ENTPD6: variants seen among roughly 807,000 people sequenced by gnomAD.
ENTPD6 encodes the protein ectonucleoside triphosphate diphosphohydrolase 6.
Under a neutral mutation model 61.5 loss-of-function variants are expected in ENTPD6, and 46 were observed. The observed-to-expected ratio is 0.75, with a 90% confidence interval of 0.59 to 0.96. ENTPD6 has a LOEUF of 0.96. ENTPD6 is among the 40% of genes least tolerant of loss of function. The pLI is 0.00. For missense variants in ENTPD6, 612 were observed against 629.0 expected (o/e 0.97, Z 0.29); for synonymous variants, 252 against 255.5 (o/e 0.99, Z 0.13).
At chr20:25,203,177 T>C (rs766953376) in intron 1 of ENTPD6, among the ~76,000 whole-genome samples, 8 of 152,164 alleles carry the variant, frequency 5.3e-5, no homozygotes, top group Non-Finnish European at 1.2e-4. Context: ...TTGTACATCA[T>C]GAGCCATTCT....
intron 12 of ENTPD6, 57 bp from the exon 13 acceptor site, chr20:25,224,044 C>T (rs1278355767): frequency 1.3e-6 from 2 of 1,545,288 alleles, no homozygotes; most frequent in Non-Finnish European, 1.8e-6. Context: ...CCTCACGTCT[C>T]AGTGGCATCG....
intron 1 of ENTPD6, chr20:25,196,136 C>A: frequency 8.2e-7 from 1 of 1,219,218 alleles, no homozygotes; most frequent in Non-Finnish European, 1.0e-6. Context: ...CCCAGCCCTG[C>A]TGCGTTCATT....
intron 12 of ENTPD6, among the ~76,000 whole-genome samples, chr20:25,223,434 G>A (rs543518634): frequency 3.3e-4 from 50 of 152,266 alleles, no homozygotes; most frequent in Non-Finnish European, 6.5e-4. Context: ...AGAGTTTGCT[G>A]AGGCTAGTGG....
At chr20:25,213,506 C>A in intron 5 of ENTPD6, 100 bp downstream of exon 5, 1 of 1,278,174 alleles carries the variant, frequency 7.8e-7, no homozygotes, top group Non-Finnish European at 1.1e-6. Flanking sequence ...TCAGGCAGGA[C>A]ACAGATGCTT....
intron 11 of ENTPD6, 66 bp from the exon 12 acceptor site, chr20:25,222,772 C>T: frequency 1.9e-6 from 3 of 1,583,960 alleles, no homozygotes. Context: ...CTGGGAGGGG[C>T]CCCAAGCAGC....
intron 8 of ENTPD6, among the ~76,000 whole-genome samples, 188 bp from the exon 9 acceptor site, chr20:25,217,314 A>T (rs1384221839): frequency 6.6e-6 from 1 of 152,134 alleles, no homozygotes; most frequent in African/African-American, 2.4e-5. Context: ...TGTGGGAACG[A>T]AGCACCGTTC....
At chr20:25,212,160 C>T (rs182651889) in intron 4 of ENTPD6, among the ~76,000 whole-genome samples, 129 of 152,300 alleles carry the variant, frequency 8.5e-4, no homozygotes, top group African/African-American at 3.0e-3. Flanking sequence ...AGAATCACAC[C>T]TGTCTACAAC....
At chr20:25,221,118 C>A in intron 10 of ENTPD6, 114 bp from the exon 11 acceptor site, 1 of 739,056 alleles carries the variant, frequency 1.4e-6, no homozygotes, top group Non-Finnish European at 2.3e-6. Context: ...ACCTGGAAGC[C>A]ACTCAGCTTC....
intron 6 of ENTPD6, 67 bp from the exon 7 acceptor site, chr20:25,215,609 C>T (rs527433517): frequency 5.7e-5 from 87 of 1,525,428 alleles, no homozygotes; most frequent in Admixed American, 4.7e-4. Flanking sequence ...AGTCATTTAA[C>T]GGTCCTGTGT....
chr20:25,225,536 C>T lies in ENTPD6; in HGVS notation c.1394C>T (p.Ala465Val), dbSNP rs1361317631. The T allele has an allele frequency of 1.2e-6, 2 of 1,614,008 alleles. No homozygotes were observed. The highest frequency in any genetic ancestry group is 2.2e-5 in the East Asian group (1 of 44,898). The change falls in exon 15 of 15, where the codon GCT becomes GTT. Residue 465 changes from alanine (A) to valine (V), a missense_variant. By Grantham distance (64) the Ala-to-Val change is moderately conservative. Transcript: ENST00000376652. ...ATTGACAATGTTGAGACCAGCTGGG[C>T]TCTGGGGGCCATTTTTCATTACATC... Reference protein sequence around the residue: ...RKIDNVETSWALGAIFHYIDS... With the variant: ...RKIDNVETSWVLGAIFHYIDS...
At chr20:25,214,164 C>T (rs146243480) in intron 5 of ENTPD6, among the ~76,000 whole-genome samples, 78 of 152,338 alleles carry the variant, frequency 5.1e-4, no homozygotes, top group African/African-American at 1.8e-3. Context: ...TCCAGCTGCC[C>T]AGCATTCCGC....
At chr20:25,213,863 T>C (rs935439164) in intron 5 of ENTPD6, among the ~76,000 whole-genome samples, 6 of 152,116 alleles carry the variant, frequency 3.9e-5, no homozygotes, top group African/African-American at 1.4e-4. Flanking sequence ...GGCGGGAGGA[T>C]CGATTGAGCC....
chr20:25,224,663 T>A (rs939930241), intron 13 of ENTPD6: 5 of 157,286 alleles, frequency 3.2e-5, no homozygotes, highest in African/African-American at 9.6e-5. Context: ...AATTTGTACA[T>A]CTTTCCAGAA....
At position 25,225,983 on chromosome 20, in the gene ENTPD6, C is replaced by CA. The variant is rs1310619864; in HGVS notation, c.*387dup. 1.2e-5 allele frequency: 2 copies of CA among 165,622 alleles called. No homozygotes were observed. The highest frequency in any genetic ancestry group is 4.8e-5 in the African/African-American group (2 of 41,908). 10.3% of individuals were successfully genotyped at this position (165,622 alleles called of 1,614,324 possible). A position where few individuals can be genotyped will look rare whatever the true frequency, so the allele number is the denominator to read the frequency against. On this transcript the variant is annotated 3_prime_UTR_variant, in exon 15 of 15. Transcript: ENST00000376652. ...ATGGGAGTCTTGTCTCCCAGCCTGTCAGTTTCCTCCCCAGGGCAGAGCTCC... is the reference window on the plus strand; with the variant it reads ...ATGGGAGTCTTGTCTCCCAGCCTGTCAAGTTTCCTCCCCAGGGCAGAGCTCC...
At chr20:25,207,599 T>TCA (rs1279739546) in intron 3 of ENTPD6, among the ~76,000 whole-genome samples, 15 of 152,200 alleles carry the variant, frequency 9.9e-5, no homozygotes, top group African/African-American at 3.6e-4. Flanking sequence ...GTGACCATGC[T>TCA]GAAGGGCAGC....
intron 1 of ENTPD6, among the ~76,000 whole-genome samples, chr20:25,200,351 CT>C (rs140779028): frequency 0.11 from 17,056 of 151,868 alleles, 1,208 homozygotes; most frequent in Non-Finnish European, 0.16. Flanking sequence ...TACTATTTAC[CT>C]GTTTTCTCCT....
At chr20:25,215,863 A>T (rs2092284133) in intron 7 of ENTPD6, 152 bp downstream of exon 7, 7 of 819,684 alleles carry the variant, frequency 8.5e-6, no homozygotes, top group Non-Finnish European at 1.4e-5. Context: ...GGTGTTGGGG[A>T]TGGGTGGGGT....
chr20:25,202,762 T>C (rs2091147989), intron 1 of ENTPD6, among the ~76,000 whole-genome samples: 1 of 152,258 alleles, frequency 6.6e-6, no homozygotes, highest in Non-Finnish European at 1.5e-5. Flanking sequence ...ATTATTTTTA[T>C]GCATATATCT....
In ENTPD6 at chr20:25,225,744, G is replaced by T; in HGVS notation, c.*147G>T. The T allele has an allele frequency of 7.6e-6, 5 of 659,918 alleles. No homozygotes were observed. In the South Asian group the frequency reaches 9.4e-5, roughly 12 times the overall value. 40.9% of individuals were successfully genotyped at this position (659,918 alleles called of 1,614,324 possible). On this transcript the variant is annotated 3_prime_UTR_variant, in exon 15 of 15. Coordinates refer to ENST00000376652, the MANE Select transcript of ENTPD6 (RefSeq NM_001247.5). ...GGCTCTGGGACTTGCAGAAGGCCTG[G>T]TGCTGCCCTGGCATCAGCCTCTTCC...
Sources: gnomAD v4.1 joint callset for allele counts (sites outside exome capture counted in the v4.1 genomes callset) on GRCh38, gnomAD v4.1.1 for gene constraint, MANE v1.5 for transcripts, NCBI Gene and HGNC (gene_info 2026-07-23, HGNC 2026-07-21) for gene names.